SHLD1: variants seen among roughly 807,000 people sequenced by gnomAD.
SHLD1 encodes RINN1-REV7-interacting novel NHEJ regulator 3.
Under a neutral mutation model 5.5 loss-of-function variants are expected in SHLD1, and 3 were observed. The ratio of observed to expected loss-of-function variants is 0.54; its 90% CI spans 0.25 to 1.40. The LOEUF (loss-of-function observed/expected upper bound fraction) is 1.40, where lower values mean the gene tolerates loss of function less well. Ranked by LOEUF, SHLD1 falls within the 40% of genes most tolerant of loss-of-function variation. SHLD1 has a pLI of 0.15. For synonymous variants in SHLD1, 92 were observed against 94.3 expected (o/e 0.98, Z 0.14); for missense variants, 210 against 244.4 (o/e 0.86, Z 0.94).
rs6133270 is a variant in SHLD1, at chr20:5,844,582, C to T, written c.179-18442C>T. Among the ~76,000 whole-genome samples the T allele has an allele frequency of 3.3e-5, 5 of 152,126 alleles. No homozygotes were observed. In the East Asian group the frequency reaches 5.8e-4, roughly 18 times the overall value. ...ACTTTGCAGAGGGTGCACCAGGGAC[C>T]TCTGTATAATCATAGTCCTCCTGCT... On this transcript the variant is annotated intron_variant, in intron 2 of 2. Coordinates refer to ENST00000303142, the MANE Select transcript of SHLD1 (RefSeq NM_152504.4).
chr20:5,768,759 GT>G (rs796245869), intron 1 of SHLD1, among the ~76,000 whole-genome samples: 24 of 152,200 alleles, frequency 1.6e-4, no homozygotes, highest in African/African-American at 5.5e-4. Context: ...CCTACTTAAT[GT>G]TTTAGAACCT....
chr20:5,770,305 G>A (rs1049062326), intron 1 of SHLD1, among the ~76,000 whole-genome samples: 1 of 152,198 alleles, frequency 6.6e-6, no homozygotes, highest in African/African-American at 2.4e-5. Context: ...TCCATCTGAG[G>A]ATCATATGCC....
At chr20:5,771,961 G>A (rs910643169) in intron 1 of SHLD1, 7 of 412,824 alleles carry the variant, frequency 1.7e-5, no homozygotes, top group Admixed American at 8.7e-5. Context: ...TGCAACCTCC[G>A]CTTCGCAAGT....
intron 2 of SHLD1, among the ~76,000 whole-genome samples, chr20:5,840,378 G>A (rs984743671): frequency 6.6e-6 from 1 of 151,882 alleles, no homozygotes; most frequent in African/African-American, 2.4e-5. Flanking sequence ...ATCCCTCAAA[G>A]CTACTGTTCA....
intron 2 of SHLD1, among the ~76,000 whole-genome samples, chr20:5,833,510 G>T (rs979044827): frequency 2.6e-5 from 4 of 152,058 alleles, no homozygotes; most frequent in African/African-American, 9.7e-5. Flanking sequence ...TGAGGGCAAT[G>T]TGACATTTGC....
At position 5,806,560 on chromosome 20, in the gene SHLD1, C is replaced by G. The variant is rs1219885773; in HGVS notation, c.178+33517C>G. Among the ~76,000 whole-genome samples, 1 of 152,192 alleles carries G rather than the reference C, an allele frequency of 6.6e-6. No individual in the cohort carries two copies. The highest frequency in any genetic ancestry group is 2.4e-5 in the African/African-American group (1 of 41,454). On this transcript the variant is annotated intron_variant, in intron 2 of 2. Transcript: ENST00000303142. The surrounding 1 kb of genome is among the most constrained non-coding windows in gnomAD (Gnocchi z 7.6). ...AAGTTCTGAAGGAATTAGGCTTAAC[C>G]TAAAATAAACAAAACAATAGAATTT...
At chr20:5,782,918 A>G (rs971050964) in intron 2 of SHLD1, among the ~76,000 whole-genome samples, 1 of 152,222 alleles carries the variant, frequency 6.6e-6, no homozygotes, top group South Asian at 2.1e-4. Flanking sequence ...GTAGTTTTAA[A>G]ATAGGAGTCA....
At chr20:5,818,500 G>C (rs1172343099) in intron 2 of SHLD1, among the ~76,000 whole-genome samples, 1 of 152,180 alleles carries the variant, frequency 6.6e-6, no homozygotes, top group Non-Finnish European at 1.5e-5. Context: ...GTAAAGGCAG[G>C]GATCCTGTAC....
intron 1 of SHLD1, among the ~76,000 whole-genome samples, chr20:5,753,892 A>G (rs970920170): frequency 1.3e-5 from 2 of 152,104 alleles, no homozygotes; most frequent in Non-Finnish European, 2.9e-5. Context: ...CTCCCTCTGC[A>G]TGGGAGAGCT....
intron 1 of SHLD1, among the ~76,000 whole-genome samples, chr20:5,764,158 T>TTA (rs1204952037): frequency 0.46 from 32,672 of 71,492 alleles, 6,061 homozygotes; most frequent in East Asian, 0.64. Flanking sequence ...ATATTTATAT[T>TTA]TATATATATA....
intron 2 of SHLD1, among the ~76,000 whole-genome samples, chr20:5,837,865 T>C (rs549060493): frequency 5.7e-4 from 87 of 152,312 alleles, no homozygotes; most frequent in African/African-American, 1.9e-3. Flanking sequence ...TTGTTGCAAA[T>C]CTCCAAAACA....
At chr20:5,756,997 G>A (rs78199174) in intron 1 of SHLD1, 4,286 of 153,634 alleles carry the variant, frequency 0.028, 83 homozygotes, top group Non-Finnish European at 0.042. Flanking sequence ...AATCTTTGAG[G>A]GAAAAGCATT....
At chr20:5,852,211 C>T (rs1452045326) in intron 2 of SHLD1, among the ~76,000 whole-genome samples, 1 of 152,162 alleles carries the variant, frequency 6.6e-6, no homozygotes, top group East Asian at 1.9e-4. Flanking sequence ...TATAGCAACA[C>T]AAGAACGGAC....
chr20:5,819,958 T>C (rs1465560652), intron 2 of SHLD1, among the ~76,000 whole-genome samples: 3 of 152,162 alleles, frequency 2.0e-5, no homozygotes, highest in African/African-American at 7.2e-5. Context: ...TTTTGTTTTG[T>C]TTTTAGAAGG....
intron 2 of SHLD1, among the ~76,000 whole-genome samples, chr20:5,834,211 C>T (rs1019576604): frequency 6.6e-6 from 1 of 152,154 alleles, no homozygotes; most frequent in Non-Finnish European, 1.5e-5. Flanking sequence ...GAAAAGAGCT[C>T]CCTGCCTCCA....
intron 2 of SHLD1, among the ~76,000 whole-genome samples, chr20:5,788,959 C>T (rs1356287992): frequency 6.6e-6 from 1 of 151,906 alleles, no homozygotes; most frequent in Non-Finnish European, 1.5e-5. Flanking sequence ...TGGTAAAAAC[C>T]CTGTCTCTAC....
chr20:5,778,414 A>G (rs1264179781), intron 2 of SHLD1, among the ~76,000 whole-genome samples: 2 of 151,272 alleles, frequency 1.3e-5, no homozygotes, highest in Non-Finnish European at 2.9e-5. Flanking sequence ...ACCAGCCTGG[A>G]CAACGTAGCA....
chr20:5,805,140 T>TATCA (rs141868529), intron 2 of SHLD1, among the ~76,000 whole-genome samples: 8,328 of 152,290 alleles, frequency 0.055, 324 homozygotes, highest in African/African-American at 0.11. Context: ...TAATCTTCTT[T>TATCA]ATCAAAGTCT....
chr20:5,826,991 C>T (rs1273399782), intron 2 of SHLD1, among the ~76,000 whole-genome samples: 4 of 152,112 alleles, frequency 2.6e-5, no homozygotes, highest in Non-Finnish European at 4.4e-5. Flanking sequence ...CCCCTAATGC[C>T]GTCAGTAGCC....
Sources: allele counts gnomAD v4.1 joint callset (sites outside exome capture counted in the v4.1 genomes callset), GRCh38; gene constraint gnomAD v4.1.1; non-coding constraint Gnocchi (gnomAD v3.1); transcripts MANE v1.5; gene names NCBI Gene and HGNC (gene_info 2026-07-23, HGNC 2026-07-21).